HHAT: variants seen among roughly 807,000 people sequenced by gnomAD.
HHAT encodes protein-cysteine N-palmitoyltransferase HHAT.
HHAT carries 47 observed loss-of-function variants against 70.8 expected under a neutral mutation model. That is an observed-to-expected ratio of 0.66 (90% CI 0.53 to 0.85). The LOEUF (loss-of-function observed/expected upper bound fraction) is 0.85, where lower values mean the gene tolerates loss of function less well. Among genes scored for constraint, HHAT ranks in the 40% least tolerant of loss-of-function variants. HHAT has a pLI of 0.00. For synonymous variants in HHAT, 228 were observed against 247.6 expected (o/e 0.92, Z 0.74); for missense variants, 609 against 604.8 (o/e 1.01, Z -0.07).
At chr1:210,327,970 A>G (rs2084687569), upstream of HHAT, among the ~76,000 whole-genome samples, 1 of 152,262 alleles carries the variant, frequency 6.6e-6, no homozygotes, top group Admixed American at 6.5e-5. Flanking sequence ...CAGCTCTTGG[A>G]GAGTTCATAC....
intron 4 of HHAT, among the ~76,000 whole-genome samples, chr1:210,394,580 T>C (rs1182488543): frequency 6.6e-6 from 1 of 151,518 alleles, no homozygotes; most frequent in Non-Finnish European, 1.5e-5. Flanking sequence ...TGGTGTAGGG[T>C]TGAGGGTGGG....
chr1:210,382,740 G>A (rs528182951), intron 3 of HHAT, among the ~76,000 whole-genome samples: 2 of 152,170 alleles, frequency 1.3e-5, no homozygotes, highest in Non-Finnish European at 2.9e-5. Context: ...TGAGTATTTT[G>A]TGCATGTCAC....
At chr1:210,436,228 A>G (rs941177651) in intron 7 of HHAT, among the ~76,000 whole-genome samples, 5 of 151,524 alleles carry the variant, frequency 3.3e-5, no homozygotes, top group African/African-American at 1.2e-4. Flanking sequence ...CCCTTTGCCT[A>G]TTGTATGTTC....
At chr1:210,591,063 G>T (rs546766855) in intron 10 of HHAT, among the ~76,000 whole-genome samples, 71 of 152,112 alleles carry the variant, frequency 4.7e-4, no homozygotes, top group Non-Finnish European at 8.2e-4. Context: ...CTTTCTTTGC[G>T]TTACAACCAA....
chr1:210,674,367 C>T lies in HHAT; in HGVS notation c.1470C>T (p.Tyr490=), dbSNP rs149330774. 9.2e-5 allele frequency: 149 copies of T among 1,613,752 alleles called. 1 individual carries two copies. Among genetic ancestry groups the T allele is most frequent in the South Asian group, 6.6e-4 (60 of 91,078 alleles). The change falls in exon 12 of 12, where the codon TAC becomes TAT. Residue 490 remains tyrosine, a synonymous_variant. Transcript: ENST00000261458. ...TGGGCATTGCCTGGGCCCAGACCTACGCCACGGACTAATGCTGTTGGGCCC... is the reference window on the plus strand; with the variant it reads ...TGGGCATTGCCTGGGCCCAGACCTATGCCACGGACTAATGCTGTTGGGCCC... ...SHVGIAWAQT[Y]ATD is the part of the protein sequence containing the mutation.
intron 8 of HHAT, among the ~76,000 whole-genome samples, chr1:210,467,747 C>T (rs772802256): frequency 8.5e-5 from 13 of 152,156 alleles, no homozygotes; most frequent in Admixed American, 5.9e-4. Context: ...CAAAGATCTA[C>T]GCTGAATGAG....
At chr1:210,498,335 C>T (rs1460934267) in intron 8 of HHAT, among the ~76,000 whole-genome samples, 1 of 152,112 alleles carries the variant, frequency 6.6e-6, no homozygotes, top group African/African-American at 2.4e-5. Flanking sequence ...GTTGAGACAA[C>T]AGTATGATTC....
rs189666521 is a variant in HHAT, at chr1:210,363,002, A to G, written c.159+83A>G. 5.5e-4 allele frequency: 643 copies of G among 1,166,650 alleles called. 1 individual carries two copies. Among genetic ancestry groups the G allele is most frequent in the Non-Finnish European group, 7.6e-4 (589 of 776,930 alleles). The allele number at this position is 1,166,650 out of a possible 1,614,324, so 72.3% of individuals were successfully genotyped here. ...TCACATTTGTATTTGGAGTCGATCC[A>G]GGTATCAGATTCAGCAGCAATCTGG... is the stretch of plus-strand genomic sequence containing the variant. On this transcript the variant is annotated intron_variant, in intron 3 of 11. Transcript: ENST00000261458.
intron 11 of HHAT, among the ~76,000 whole-genome samples, chr1:210,633,517 G>C (rs1671275021): frequency 6.6e-6 from 1 of 152,192 alleles, no homozygotes. Flanking sequence ...GTAGGTGAAG[G>C]CAGGTGAGCA....
At chr1:210,331,217 A>G (rs115844298) in intron 1 of HHAT, among the ~76,000 whole-genome samples, 2,826 of 151,908 alleles carry the variant, frequency 0.019, 39 homozygotes, top group Middle Eastern at 0.037. Flanking sequence ...GGGACCCCTG[A>G]GCTTGTTTTT....
intron 4 of HHAT, among the ~76,000 whole-genome samples, chr1:210,387,871 G>A (rs527451702): frequency 6.6e-6 from 1 of 152,198 alleles, no homozygotes; most frequent in South Asian, 2.1e-4. Flanking sequence ...TGATCAAAAA[G>A]TTGCCTGTGG....
intron 9 of HHAT, among the ~76,000 whole-genome samples, chr1:210,534,965 G>A (rs1468982798): frequency 6.6e-6 from 1 of 152,068 alleles, no homozygotes; most frequent in African/African-American, 2.4e-5. Flanking sequence ...GCCTTCAATG[G>A]GAGTACTGCT....
chr1:210,505,181 G>C (rs2094831256), intron 8 of HHAT, among the ~76,000 whole-genome samples: 1 of 152,174 alleles, frequency 6.6e-6, no homozygotes, highest in Admixed American at 6.5e-5. Flanking sequence ...TTACAGGCAT[G>C]AACCACCATG....
chr1:210,431,422 A>T (rs1419116953), intron 7 of HHAT, among the ~76,000 whole-genome samples: 1 of 151,716 alleles, frequency 6.6e-6, no homozygotes, highest in Non-Finnish European at 1.5e-5. Flanking sequence ...TTATATATAT[A>T]TTTTTGGTCT....
intron 8 of HHAT, among the ~76,000 whole-genome samples, chr1:210,493,844 T>C (rs1397414681): frequency 2.0e-5 from 3 of 152,190 alleles, no homozygotes; most frequent in Non-Finnish European, 4.4e-5. Context: ...ACCGGTTCCT[T>C]GCATCACCAC....
intron 8 of HHAT, among the ~76,000 whole-genome samples, chr1:210,476,290 T>G (rs1184516688): frequency 3.3e-5 from 5 of 152,326 alleles, no homozygotes; most frequent in Non-Finnish European, 5.9e-5. Context: ...CTTGGTATAC[T>G]AACAAATTCT....
intron 1 of HHAT, among the ~76,000 whole-genome samples, chr1:210,331,304 C>A (rs976182781): frequency 3.3e-5 from 5 of 152,080 alleles, no homozygotes; most frequent in Non-Finnish European, 5.9e-5. Context: ...TATGTCCAGC[C>A]TACTTCATAG....
chr1:210,496,042 T>C (rs1183753089), intron 8 of HHAT, among the ~76,000 whole-genome samples: 1 of 90,956 alleles, frequency 1.1e-5, no homozygotes, highest in Non-Finnish European at 2.4e-5. Context: ...AAAAAGAAAA[T>C]GGAGTAGAAA....
At chr1:210,399,465 G>T (rs1166036161) in intron 4 of HHAT, among the ~76,000 whole-genome samples, 1 of 152,052 alleles carries the variant, frequency 6.6e-6, no homozygotes, top group African/African-American at 2.4e-5. Flanking sequence ...TGTTGGTCAG[G>T]CTGGTCTTGA....
Sources: gnomAD v4.1 joint callset for allele counts (sites outside exome capture counted in the v4.1 genomes callset) on GRCh38, gnomAD v4.1.1 for gene constraint, MANE v1.5 for transcripts, NCBI Gene and HGNC (gene_info 2026-07-23, HGNC 2026-07-21) for gene names.